CCND3: variants seen among roughly 807,000 people sequenced by gnomAD.
CCND3 encodes the protein cyclin D3.
CCND3 carries 9 observed loss-of-function variants against 28.7 expected under a neutral mutation model. The observed-to-expected ratio is 0.31, with a 90% CI of 0.19 to 0.55. CCND3 has a LOEUF of 0.55. Ranked by LOEUF, CCND3 falls within the 20% of genes least tolerant of loss-of-function variation. The probability of loss-of-function intolerance (pLI) is 0.93; values close to 1 mark genes in which losing one functional copy is unlikely to be tolerated. For synonymous variants in CCND3, 164 were observed against 163.9 expected (o/e 1.00, Z 0.00); for missense variants, 315 against 385.8 (o/e 0.82, Z 1.54).
intron 1 of CCND3, among the ~76,000 whole-genome samples, chr6:41,964,345 T>A (rs1037906294): frequency 4.3e-5 from 6 of 141,082 alleles, no homozygotes; most frequent in Admixed American, 4.1e-4. Flanking sequence ...TGTGTGAATG[T>A]GTGTGAGTCT....
At position 41,936,081 on chromosome 6, in the gene CCND3, C is replaced by A. The variant is rs761632994; in HGVS notation, c.738G>T (p.Gln246His). The A allele has an allele frequency of 2.5e-6, 4 of 1,603,316 alleles. No individual in the cohort carries two copies. The South Asian group carries it at 4.4e-5, about 18-fold the overall frequency. ...EVDCLRACQE[Q>H]IEAALRESLR... ...GGCTCTCCCTGAGTGCAGCTTCGAT[C>A]TGCTCCTGACAGGCCCGCAGGCAGT... is the stretch of plus-strand genomic sequence containing the variant. The change falls in exon 5 of 5, where the codon CAG (glutamine) becomes CAT (histidine). Residue 246 changes from glutamine (Q) to histidine (H), a missense_variant. Physicochemically the swap from Gln to His is conservative, Grantham distance 24. Transcript: ENST00000372991. The surrounding 1 kb of genome is among the most constrained non-coding windows in gnomAD (Gnocchi z 4.4).
chr6:42,001,492 T>C (rs1423728474), intron 1 of CCND3, among the ~76,000 whole-genome samples: 1 of 152,116 alleles, frequency 6.6e-6, no homozygotes, highest in Non-Finnish European at 1.5e-5. Flanking sequence ...ACAAAGAGAA[T>C]TGATACTGCA....
rs115440891 is a variant in CCND3 at position 42,032,774 on chromosome 6, C to T, written c.-46+15727G>A. Among the ~76,000 whole-genome samples the T allele has an allele frequency of 4.3e-3, 657 of 152,302 alleles. 3 individuals carry two copies. Among genetic ancestry groups the T allele is most frequent in the African/African-American group, 0.016 (646 of 41,578 alleles). Reference sequence around the variant, plus strand: ...GCCTGACCTGTACCACAGAAACCTACCCATTTCCACGATGTGCAGACTGGC... The same window carrying T: ...GCCTGACCTGTACCACAGAAACCTATCCATTTCCACGATGTGCAGACTGGC... On this transcript the variant is annotated intron_variant, in intron 1 of 4. Transcript: ENST00000372988.
At chr6:41,980,558 T>C (rs1188361389) in intron 1 of CCND3, among the ~76,000 whole-genome samples, 3 of 152,108 alleles carry the variant, frequency 2.0e-5, no homozygotes. Flanking sequence ...TATCCTAATA[T>C]CAACAGCAGA....
At position 41,941,399 on chromosome 6, in the gene CCND3, C is replaced by T. The variant is rs957618987; in HGVS notation, c.198+53G>A. The T allele has an allele frequency of 1.5e-5, 24 of 1,589,122 alleles. No individual in the cohort carries two copies. The East Asian group carries it at 4.9e-4, about 32-fold the overall frequency. On this transcript the variant is annotated intron_variant, in intron 1 of 4. Coordinates refer to ENST00000372991, the MANE Select transcript of CCND3 (RefSeq NM_001760.5). The surrounding 1 kb of genome is among the most constrained non-coding windows in gnomAD (Gnocchi z 6.1). Reference sequence around the variant, plus strand: ...CCGGGATGTCCCGACAGGGCGGCCCCGGTGTGTCCAGACCCGGGAGCGGTG... The same window carrying T: ...CCGGGATGTCCCGACAGGGCGGCCCTGGTGTGTCCAGACCCGGGAGCGGTG...
chr6:42,008,803 G>A (rs920692692), intron 1 of CCND3, among the ~76,000 whole-genome samples: 3 of 152,128 alleles, frequency 2.0e-5, no homozygotes, highest in Admixed American at 1.3e-4. Context: ...CTACATCATG[G>A]TGGATCCCTC....
chr6:42,036,399 ATATATTTTTT>A (rs1248584371), intron 1 of CCND3, among the ~76,000 whole-genome samples: 1 of 43,828 alleles, frequency 2.3e-5, no homozygotes, highest in Non-Finnish European at 4.0e-5. Flanking sequence ...ATATATATAT[ATATATTTTTT>A]TTTTTTTTTT....
intron 1 of CCND3, among the ~76,000 whole-genome samples, chr6:41,951,721 A>G (rs962383844): frequency 1.3e-5 from 2 of 151,790 alleles, no homozygotes; most frequent in Non-Finnish European, 2.9e-5. Flanking sequence ...TAGTAATAAT[A>G]CTATTAGGTA....
At chr6:42,041,027 G>A (rs1376588239) in intron 1 of CCND3, among the ~76,000 whole-genome samples, 1 of 152,200 alleles carries the variant, frequency 6.6e-6, no homozygotes, top group African/African-American at 2.4e-5. Context: ...TGGAAGTGTT[G>A]TGTAAAGATG....
intron 1 of CCND3, among the ~76,000 whole-genome samples, chr6:42,024,316 T>G (rs1243707393): frequency 6.7e-6 from 1 of 149,820 alleles, no homozygotes; most frequent in Non-Finnish European, 1.5e-5. Context: ...GGCAGGAGAA[T>G]GGCATGAACC....
intron 2 of CCND3, 192 bp from the exon 3 acceptor site, chr6:41,937,586 G>A (rs1193058724): frequency 4.8e-6 from 3 of 618,616 alleles, no homozygotes; most frequent in African/African-American, 3.7e-5. Flanking sequence ...TGTGCTTTGA[G>A]CACTTACTGA....
chr6:41,957,154 G>T (rs1776459799), intron 1 of CCND3, among the ~76,000 whole-genome samples: 1 of 152,188 alleles, frequency 6.6e-6, no homozygotes, highest in African/African-American at 2.4e-5. Flanking sequence ...TGAAAGGCTG[G>T]GCCTATATTA....
At chr6:41,994,373 C>T (rs1762736940) in intron 1 of CCND3, among the ~76,000 whole-genome samples, 2 of 152,036 alleles carry the variant, frequency 1.3e-5, no homozygotes, top group Non-Finnish European at 2.9e-5. Context: ...AGAACATACC[C>T]CCCTCATTAA....
At chr6:41,992,875 A>T (rs1028545078) in intron 1 of CCND3, among the ~76,000 whole-genome samples, 7 of 151,840 alleles carry the variant, frequency 4.6e-5, no homozygotes, top group Admixed American at 4.6e-4. Flanking sequence ...CAAAGTGCTG[A>T]GGTTACAAGC....
intron 1 of CCND3, among the ~76,000 whole-genome samples, chr6:41,980,036 A>ACACACACACACACAC (rs1554162936): frequency 2.0e-5 from 3 of 151,248 alleles, no homozygotes; most frequent in Non-Finnish European, 4.4e-5. Flanking sequence ...ACACACACAC[A>ACACACACACACACAC]ATCAAACCTT....
rs1407888065 is a variant in CCND3 at position 41,937,383 on chromosome 6, C to T, written c.426G>A (p.Val142=). 1 of 1,614,126 alleles carries T rather than the reference C, an allele frequency of 6.2e-7. No homozygotes were observed. Among genetic ancestry groups the T allele is most frequent in the African/African-American group, 1.3e-5 (1 of 75,030 alleles). ...CCCACTTGAGCTTCCCTAGGACCAG[C>T]ACCTCCCAGTCCTGAAAAAGCGGGG... is the stretch of plus-strand genomic sequence containing the variant. The part of the protein sequence containing the change: ...VSPRQLRDWE[V]LVLGKLKWDL... The change falls in exon 3 of 5, where the codon GTG becomes GTA. Residue 142 remains valine (V), a synonymous_variant. Transcript: ENST00000372991.
intron 1 of CCND3, among the ~76,000 whole-genome samples, chr6:42,032,280 C>A (rs1178390205): frequency 2.0e-5 from 3 of 151,912 alleles, no homozygotes; most frequent in Non-Finnish European, 4.4e-5. Flanking sequence ...ACAGATGGGG[C>A]CTTGCTATGT....
chr6:41,940,049 C>A (rs1775940865), intron 2 of CCND3, among the ~76,000 whole-genome samples: 1 of 152,126 alleles, frequency 6.6e-6, no homozygotes, highest in African/African-American at 2.4e-5. Context: ...GCTGCGTAAA[C>A]CCAGAGGCAA....
At chr6:41,982,207 T>C (rs1582130273) in intron 1 of CCND3, among the ~76,000 whole-genome samples, 1 of 151,108 alleles carries the variant, frequency 6.6e-6, no homozygotes, top group Non-Finnish European at 1.5e-5. Context: ...GAGGCTGAGG[T>C]TGCAGTGAGC....
Sources: gnomAD v4.1 joint callset for allele counts (sites outside exome capture counted in the v4.1 genomes callset) on GRCh38, gnomAD v4.1.1 for gene constraint, Gnocchi (gnomAD v3.1) non-coding constraint, MANE v1.5 for transcripts, NCBI Gene and HGNC (gene_info 2026-07-23, HGNC 2026-07-21) for gene names.